LNX2: variants seen among roughly 807,000 people sequenced by gnomAD.
The protein encoded by LNX2 is ligand of numb-protein X 2, also known as ligand of Numb protein X 2.
LNX2 carries 35 observed loss-of-function variants against 66.2 expected under a neutral mutation model. The ratio of observed to expected loss-of-function variants is 0.53; its 90% confidence interval spans 0.40 to 0.70. The LOEUF is 0.70. Ranked by LOEUF, LNX2 falls within the 30% of genes least tolerant of loss-of-function variation. The pLI is 0.00. For synonymous variants in LNX2, 337 were observed against 315.6 expected, an observed-to-expected ratio of 1.07 and a Z score of -0.72; for missense variants, 791 against 850.8, an observed-to-expected ratio of 0.93 and a Z score of 0.87.
chr13:27,574,252 C>T (rs143413981), intron 2 of LNX2, among the ~76,000 whole-genome samples: 53 of 152,266 alleles, frequency 3.5e-4, no homozygotes, highest in African/African-American at 1.3e-3. Flanking sequence ...CAAGACCAGC[C>T]TGAACAATAT....
Position 27,548,239 on chromosome 13 carries a change from C to G in LNX2, c.*96G>C. 1 of 1,225,192 alleles carries G rather than the reference C, an allele frequency of 8.2e-7. No homozygotes were observed. The highest frequency in any genetic ancestry group is 1.2e-6 in the Non-Finnish European group (1 of 861,472). 75.9% of individuals were successfully genotyped at this position (1,225,192 alleles called of 1,614,324 possible). ...TTGGCCCTGTGTATACCAGCAGTGTCAGCAGCTCCTAAACCACAAACACAA... is the reference window on the plus strand; with the variant it reads ...TTGGCCCTGTGTATACCAGCAGTGTGAGCAGCTCCTAAACCACAAACACAA... On this transcript the variant is annotated 3_prime_UTR_variant, in exon 10 of 10. Transcript: ENST00000316334.
intron 2 of LNX2, among the ~76,000 whole-genome samples, chr13:27,572,423 C>T (rs918265948): frequency 6.6e-6 from 1 of 152,216 alleles, no homozygotes; most frequent in African/African-American, 2.4e-5. Flanking sequence ...TGAGACCATA[C>T]AGTGGAGCTC....
chr13:27,619,546 C>T (rs757595636), intron 1 of LNX2, among the ~76,000 whole-genome samples: 4 of 152,166 alleles, frequency 2.6e-5, no homozygotes, highest in Non-Finnish European at 4.4e-5. Context: ...CCTCCTGCAC[C>T]GCCACCGCTT....
intron 1 of LNX2, among the ~76,000 whole-genome samples, chr13:27,605,443 A>G (rs1170198108): frequency 6.6e-6 from 1 of 152,232 alleles, no homozygotes; most frequent in Non-Finnish European, 1.5e-5. Context: ...CTATCTCTTC[A>G]TTGGCCAACT....
At chr13:27,583,461 T>C (rs1430833255) in intron 1 of LNX2, among the ~76,000 whole-genome samples, 4 of 152,056 alleles carry the variant, frequency 2.6e-5, no homozygotes, top group Non-Finnish European at 4.4e-5. Flanking sequence ...TTTCACCATA[T>C]TGGCCAGGCG....
intron 6 of LNX2, 103 bp from the exon 7 acceptor site, chr13:27,556,516 T>C: frequency 1.0e-6 from 1 of 968,734 alleles, no homozygotes; most frequent in Admixed American, 2.7e-5. Context: ...ATTTATAAAG[T>C]AATTATTTTT....
At chr13:27,598,204 T>TAAAAA (rs10634128) in intron 1 of LNX2, among the ~76,000 whole-genome samples, 2 of 138,928 alleles carry the variant, frequency 1.4e-5, no homozygotes, top group Non-Finnish European at 1.5e-5. Flanking sequence ...CAGCACTGTT[T>TAAAAA]AAAAAAAAAA....
intron 1 of LNX2, among the ~76,000 whole-genome samples, chr13:27,609,218 T>A (rs1033506467): frequency 6.6e-6 from 1 of 151,772 alleles, no homozygotes; most frequent in East Asian, 1.9e-4. Flanking sequence ...AGTGGCACGA[T>A]CTTGGCTCAC....
At chr13:27,560,421 G>T (rs1173010516) in intron 5 of LNX2, among the ~76,000 whole-genome samples, 1 of 151,910 alleles carries the variant, frequency 6.6e-6, no homozygotes, top group Non-Finnish European at 1.5e-5. Flanking sequence ...TTTCCATGGT[G>T]GCTACTTCAG....
chr13:27,551,042 A>T (rs1159749901), intron 8 of LNX2, among the ~76,000 whole-genome samples: 4 of 152,212 alleles, frequency 2.6e-5, no homozygotes, highest in Admixed American at 1.3e-4. Flanking sequence ...TTTACTTAGG[A>T]TGTTTTCATT....
intron 5 of LNX2, among the ~76,000 whole-genome samples, chr13:27,560,580 T>TATATATATAC (rs1361261308): frequency 6.8e-6 from 1 of 147,750 alleles, no homozygotes; most frequent in African/African-American, 2.5e-5. Context: ...TATATATATA[T>TATATATATAC]ATATAGCATA....
intron 2 of LNX2, among the ~76,000 whole-genome samples, chr13:27,572,588 T>C (rs1437496255): frequency 6.6e-6 from 1 of 152,224 alleles, no homozygotes; most frequent in Non-Finnish European, 1.5e-5. Flanking sequence ...GGATTTTTCC[T>C]TTCCTGCTGA....
chr13:27,571,490 G>A (rs1335285844), intron 2 of LNX2, among the ~76,000 whole-genome samples: 5 of 152,130 alleles, frequency 3.3e-5, no homozygotes, highest in Admixed American at 1.3e-4. Flanking sequence ...ACCGTGTATC[G>A]GGGAATGGGA....
intron 1 of LNX2, among the ~76,000 whole-genome samples, chr13:27,592,358 G>A (rs1955553446): frequency 6.6e-6 from 1 of 152,162 alleles, no homozygotes; most frequent in Non-Finnish European, 1.5e-5. Flanking sequence ...GATGGGAGGG[G>A]GGAAAGTCAA....
intron 1 of LNX2, 32 bp from the exon 2 acceptor site, chr13:27,581,835 G>T: frequency 1.6e-6 from 1 of 622,828 alleles, no homozygotes. Context: ...ATTAAAAAAG[G>T]TAATTAATAT....
Position 27,556,363 on chromosome 13 carries a change from CT to C in LNX2, c.1418del (p.Lys473ArgfsTer9). 1 of 1,613,924 alleles carries C rather than the reference CT, an allele frequency of 6.2e-7. No homozygotes were observed. Among genetic ancestry groups the C allele is most frequent in the Non-Finnish European group, 8.5e-7 (1 of 1,179,946 alleles). ...TCATGCCAAGGGATTCATGTGGTTC[CT>C]TCTTTACAGTAATGTGTTTTTCTTG... ...TCQEKHITVKKEPHESLGMTV... is the reference protein window; with the variant it reads ...TCQEKHITVKXEPHESLGMTV... On this transcript the variant is annotated frameshift_variant, in exon 7 of 10. Coordinates refer to ENST00000316334, the MANE Select transcript of LNX2 (RefSeq NM_153371.4). LOFTEE classifies it high-confidence loss of function.
rs779879379 is a variant in LNX2, at chr13:27,581,654, G to A, written c.50C>T (p.Ser17Phe). Residue 17 changes from serine (S) to phenylalanine (F), a missense_variant, in exon 2 of 10, where the codon TCT becomes TTT. Transcript: ENST00000316334. The part of the protein sequence containing the change: ...EMVSVEQTSS[S>F]SLNPLCFECG... ...TTCAAAACACAGGGGGTTTAGAGAAGAGGAGGAGGTCTGTTCCACAGACAC... is the reference window on the plus strand; with the variant it reads ...TTCAAAACACAGGGGGTTTAGAGAAAAGGAGGAGGTCTGTTCCACAGACAC... The A allele has an allele frequency of 2.5e-6, 4 of 1,613,682 alleles. No individual in the cohort carries two copies. Among genetic ancestry groups the A allele is most frequent in the Admixed American group, 3.3e-5 (2 of 59,972 alleles).
chr13:27,597,868 T>G (rs1182641120), intron 1 of LNX2, among the ~76,000 whole-genome samples: 6 of 152,164 alleles, frequency 3.9e-5, no homozygotes, highest in African/African-American at 1.4e-4. Context: ...GGAACTTTCT[T>G]CATATTTCCC....
At chr13:27,609,649 G>T (rs1454618897) in intron 1 of LNX2, among the ~76,000 whole-genome samples, 1 of 152,060 alleles carries the variant, frequency 6.6e-6, no homozygotes, top group East Asian at 1.9e-4. Context: ...TCATTTTATA[G>T]GAAAAAAGTT....
Sources: allele counts gnomAD v4.1 joint callset (sites outside exome capture counted in the v4.1 genomes callset), GRCh38; gene constraint gnomAD v4.1.1; transcripts MANE v1.5; gene names NCBI Gene and HGNC (gene_info 2026-07-23, HGNC 2026-07-21).